The following PM20D2 variants were observed in gnomAD, a reference collection of about 807,000 sequenced individuals.
PM20D2 encodes the protein xaa-Arg dipeptidase.
In PM20D2, 33 loss-of-function variants were observed where a neutral mutation model predicts 42.9. The observed-to-expected ratio is 0.77, with a 90% CI of 0.58 to 1.03. The LOEUF (loss-of-function observed/expected upper bound fraction) is 1.03, where lower values mean the gene tolerates loss of function less well. Among genes scored for constraint, PM20D2 ranks in the 50% least tolerant of loss-of-function variants. The pLI is 0.00. For missense variants in PM20D2, 548 were observed against 557.0 expected (o/e 0.98, Z 0.16); for synonymous variants, 250 against 228.2 (o/e 1.10, Z -0.86).
chr6:89,095,039 C>T, the PM20D2 span, among the ~76,000 whole-genome samples: 1 of 152,214 alleles, frequency 6.6e-6, no homozygotes, highest in East Asian at 1.9e-4. Flanking sequence ...GAGAAATGCA[C>T]ACACAGTAGT....
At chr6:89,140,078 G>T in the PM20D2 span, among the ~76,000 whole-genome samples, 1 of 152,120 alleles carries the variant, frequency 6.6e-6, no homozygotes, top group Non-Finnish European at 1.5e-5. Flanking sequence ...TGGGACTACA[G>T]GCACATACCA....
the PM20D2 span, among the ~76,000 whole-genome samples, chr6:89,119,695 G>T: frequency 7.0e-4 from 107 of 152,298 alleles, 1 homozygote; most frequent in African/African-American, 2.5e-3. Flanking sequence ...GGCACTCTAG[G>T]GGAATCCTCT....
chr6:89,136,769 C>T, the PM20D2 span, among the ~76,000 whole-genome samples: 1 of 151,078 alleles, frequency 6.6e-6, no homozygotes, highest in East Asian at 1.9e-4. Context: ...TACAGATTCC[C>T]TCAGAATAAA....
chr6:89,100,232 T>C, the PM20D2 span, among the ~76,000 whole-genome samples: 1 of 152,188 alleles, frequency 6.6e-6, no homozygotes, highest in Non-Finnish European at 1.5e-5. Flanking sequence ...AGAACTGCGC[T>C]GAAATTTTTA....
At chr6:89,155,479 A>G (rs1289922403) in intron 4 of PM20D2, among the ~76,000 whole-genome samples, 2 of 151,492 alleles carry the variant, frequency 1.3e-5, no homozygotes, top group Non-Finnish European at 2.9e-5. Flanking sequence ...TTCTGGAGAC[A>G]GGGTCTCACC....
the PM20D2 span, among the ~76,000 whole-genome samples, chr6:89,099,807 T>A: frequency 6.6e-6 from 1 of 152,128 alleles, no homozygotes; most frequent in African/African-American, 2.4e-5. Flanking sequence ...AGTGCTGGGA[T>A]TACAGGCGTG....
At chr6:89,115,640 T>C in the PM20D2 span, among the ~76,000 whole-genome samples, 1 of 146,106 alleles carries the variant, frequency 6.8e-6, no homozygotes, top group African/African-American at 2.6e-5. Context: ...TCTTTTTTTT[T>C]TTTTTTTTTT....
At chr6:89,120,345 T>A in the PM20D2 span, among the ~76,000 whole-genome samples, 1 of 152,176 alleles carries the variant, frequency 6.6e-6, no homozygotes, top group Admixed American at 6.5e-5. Flanking sequence ...CTCACTTACA[T>A]CTGCAAAGAT....
chr6:89,147,890 C>G lies in PM20D2; in HGVS notation c.465+1281C>G, dbSNP rs149393162. 7.7e-3 allele frequency among the ~76,000 whole-genome samples: 1,119 copies of G among 145,862 alleles called. 15 individuals carry two copies. Among genetic ancestry groups the G allele is most frequent in the African/African-American group, 0.027 (1,071 of 39,808 alleles). On this transcript the variant is annotated intron_variant, in intron 1 of 6. Coordinates refer to ENST00000275072, the MANE Select transcript of PM20D2 (RefSeq NM_001010853.3). ...CCTGGGCAACAGAGCGAGGCCTCCT[C>G]TTAAAAAAAAAAAGAGCGGCGGCTT...
the PM20D2 span, among the ~76,000 whole-genome samples, chr6:89,137,305 T>A: frequency 6.6e-6 from 1 of 152,160 alleles, no homozygotes; most frequent in Admixed American, 6.6e-5. Context: ...GGAGGATTCC[T>A]TGAGGCCAGA....
At chr6:89,136,463 G>T in the PM20D2 span, among the ~76,000 whole-genome samples, 5 of 150,890 alleles carry the variant, frequency 3.3e-5, 1 homozygote, top group Non-Finnish European at 7.4e-5. Flanking sequence ...GGATCACAAG[G>T]TCAGGAGATC....
chr6:89,157,480 T>C (rs545727534), intron 4 of PM20D2, among the ~76,000 whole-genome samples: 4 of 152,374 alleles, frequency 2.6e-5, no homozygotes, highest in South Asian at 4.1e-4. Context: ...CTTTATATAC[T>C]GAAATTAATA....
the PM20D2 span, chr6:89,105,217 T>A: frequency 1.2e-6 from 2 of 1,612,266 alleles, no homozygotes; most frequent in East Asian, 4.5e-5. Flanking sequence ...TGTGATCACT[T>A]GGAGAACAAG....
chr6:89,158,393 T>C lies in PM20D2; in HGVS notation c.981T>C (p.Tyr327=). The change falls in exon 5 of 7, where the codon TAT becomes TAC. Residue 327 remains tyrosine, a synonymous_variant. Transcript: ENST00000275072. The part of the protein sequence containing the change: ...VLPNKSLWKA[Y]MENGRKLGIE... ...CCAATAAGAGCCTATGGAAAGCCTA[T>C]ATGGAAAATGGAAGAAAGCTAGGAA... is the stretch of plus-strand genomic sequence containing the variant. The C allele has an allele frequency of 4.3e-6, 7 of 1,612,536 alleles. No individual in the cohort carries two copies. The highest frequency in any genetic ancestry group is 5.9e-6 in the Non-Finnish European group (7 of 1,179,322).
the PM20D2 span, among the ~76,000 whole-genome samples, chr6:89,139,463 C>T: frequency 6.6e-6 from 1 of 152,212 alleles, no homozygotes; most frequent in African/African-American, 2.4e-5. Flanking sequence ...ATTCTCCTGC[C>T]TCAGCCTCCT....
chr6:89,122,517 CAG>C, the PM20D2 span, among the ~76,000 whole-genome samples: 1 of 152,152 alleles, frequency 6.6e-6, no homozygotes, highest in South Asian at 2.1e-4. Flanking sequence ...GGCTAATTAT[CAG>C]GTCTAATCAA....
rs1210540455 is a variant in PM20D2, at chr6:89,154,829, T to C, written c.839T>C (p.Met280Thr). The change falls in exon 4 of 7, where the codon ATG (methionine) becomes ACG (threonine). Residue 280 changes from methionine to threonine, a missense_variant. Met to Thr is a moderately conservative substitution (Grantham distance 81). Coordinates refer to ENST00000275072, the MANE Select transcript of PM20D2 (RefSeq NM_001010853.3). ...ATCTATTACTTCCGTGCACCCTCAA[T>C]GAAAGAACTTCAAGTTTTGACCAAA... ...ELIYYFRAPS[M>T]KELQVLTKKA... The C allele has an allele frequency of 1.2e-6, 2 of 1,610,152 alleles. No individual in the cohort carries two copies. The highest frequency in any genetic ancestry group is 8.5e-7 in the Non-Finnish European group (1 of 1,178,550).
chr6:89,123,086 C>T, the PM20D2 span, among the ~76,000 whole-genome samples: 1 of 152,126 alleles, frequency 6.6e-6, no homozygotes. Context: ...TCAGAAAAGT[C>T]AACTTAGAAG....
intron 4 of PM20D2, among the ~76,000 whole-genome samples, chr6:89,156,703 G>A (rs1187010664): frequency 6.6e-6 from 1 of 152,164 alleles, no homozygotes; most frequent in Non-Finnish European, 1.5e-5. Flanking sequence ...CCTGAACTGA[G>A]CTTTGAAGGT....
Sources: allele counts gnomAD v4.1 joint callset (sites outside exome capture counted in the v4.1 genomes callset), GRCh38; gene constraint gnomAD v4.1.1; transcripts MANE v1.5; gene names NCBI Gene and HGNC (gene_info 2026-07-23, HGNC 2026-07-21).